Variants in ABCC9 observed in about 807,000 individuals in gnomAD.
ABCC9 encodes the protein ATP binding cassette subfamily C member 9.
A neutral mutation model predicts 188.3 loss-of-function variants in ABCC9; 95 were observed. The ratio of observed to expected loss-of-function variants is 0.50; its 90% CI spans 0.43 to 0.60. The LOEUF (loss-of-function observed/expected upper bound fraction) is 0.60. ABCC9 is among the 20% of genes least tolerant of loss of function. The probability of loss-of-function intolerance (pLI) is 0.00; values close to 1 mark genes in which losing one functional copy is unlikely to be tolerated. For synonymous variants in ABCC9, 659 were observed against 652.7 expected (o/e 1.01, Z -0.15); for missense variants, 1,102 against 1,876.3 (o/e 0.59, Z 7.62).
chr12:21,798,152 G>A lies in ABCC9; in HGVS notation c.*2892C>T, dbSNP rs1040752183. On this transcript the variant is annotated 3_prime_UTR_variant, in exon 40 of 40. Transcript: ENST00000261200. ...CCAGCAACCACTTGGCTGTAAGAAT[G>A]GTGAATGTGATCTTTAGTTTAGTGT... The A allele has an allele frequency of 4.6e-5, 7 of 152,154 alleles. No individual in the cohort carries two copies. Among genetic ancestry groups the A allele is most frequent in the African/African-American group, 1.4e-4 (6 of 41,448 alleles). The allele number at this position is 152,154 out of a possible 1,614,324, so 9.4% of individuals were successfully genotyped here.
rs565697711 is a variant in ABCC9 at position 21,921,449 on chromosome 12, C to T, written c.407-4346G>A. On this transcript the variant is annotated intron_variant, in intron 5 of 39. Coordinates refer to ENST00000261200, the MANE Select transcript of ABCC9 (RefSeq NM_020297.4). ...TTTTTTTCCTATAGAGTTGTTTGAG[C>T]TCCTTATATATTCTGCTCATTAATC... Among the ~76,000 whole-genome samples, 23 of 151,982 alleles carry T rather than the reference C, an allele frequency of 1.5e-4. 1 individual carries two copies. In the East Asian group the frequency reaches 2.7e-3, roughly 18 times the overall value.
chr12:21,815,105 C>T (rs959399037), intron 34 of ABCC9, among the ~76,000 whole-genome samples: 27 of 152,052 alleles, frequency 1.8e-4, no homozygotes, highest in Admixed American at 1.4e-3. Flanking sequence ...ATGGCTGGAG[C>T]CCAGGAGGTC....
intron 12 of ABCC9, among the ~76,000 whole-genome samples, chr12:21,897,155 C>T (rs1307110057): frequency 4.6e-5 from 7 of 152,176 alleles, no homozygotes; most frequent in African/African-American, 1.7e-4. Context: ...TTTTGATTTG[C>T]ATTTCTCTAA....
At chr12:21,877,916 A>C (rs1946444189) in intron 16 of ABCC9, among the ~76,000 whole-genome samples, 1 of 152,130 alleles carries the variant, frequency 6.6e-6, no homozygotes, top group South Asian at 2.1e-4. Flanking sequence ...CTGGTTATAG[A>C]TGTGTAGAAG....
chr12:21,905,550 G>A (rs772926413), intron 12 of ABCC9, among the ~76,000 whole-genome samples: 1 of 151,842 alleles, frequency 6.6e-6, no homozygotes, highest in East Asian at 1.9e-4. Context: ...TTCCAAAGTC[G>A]ATATCCTAGA....
intron 8 of ABCC9, among the ~76,000 whole-genome samples, 161 bp downstream of exon 8, chr12:21,912,711 T>G (rs1004206407): frequency 6.6e-6 from 1 of 151,986 alleles, no homozygotes; most frequent in Non-Finnish European, 1.5e-5. Flanking sequence ...CACGTGATTT[T>G]TTTCTAAAAG....
chr12:21,805,121 T>A, intron 39 of ABCC9: 1 of 1,612,300 alleles, frequency 6.2e-7, no homozygotes, highest in African/African-American at 1.3e-5. Context: ...GAGAGGATAC[T>A]GCTAAGATAA....
intron 39 of ABCC9, among the ~76,000 whole-genome samples, chr12:21,802,425 G>A (rs182145077): frequency 5.9e-5 from 9 of 152,164 alleles, no homozygotes; most frequent in Admixed American, 4.6e-4. Context: ...AAATTTTCTA[G>A]GAGCTACATT....
intron 18 of ABCC9, among the ~76,000 whole-genome samples, chr12:21,868,534 G>C (rs867584359): frequency 1.3e-5 from 2 of 152,098 alleles, no homozygotes; most frequent in Non-Finnish European, 2.9e-5. Flanking sequence ...AGCTACTCAG[G>C]AGGCTGAGGC....
chr12:21,801,299 G>C (rs906864509), intron 39 of ABCC9, 118 bp from the exon 40 acceptor site: 3 of 1,336,794 alleles, frequency 2.2e-6, no homozygotes, highest in African/African-American at 2.9e-5. Flanking sequence ...TGAGTGACAA[G>C]ATGTAGGGAT....
intron 18 of ABCC9, among the ~76,000 whole-genome samples, chr12:21,871,051 T>C (rs1407871039): frequency 6.6e-6 from 1 of 152,194 alleles, no homozygotes; most frequent in Non-Finnish European, 1.5e-5. Flanking sequence ...GAAAATAAAA[T>C]CTCAAGCCTT....
intron 31 of ABCC9, chr12:21,828,308 T>C (rs1010685431): frequency 6.4e-6 from 1 of 155,882 alleles, no homozygotes; most frequent in East Asian, 1.9e-4. Context: ...TATTCATTCA[T>C]GCATGCATTC....
At chr12:21,880,003 G>A (rs1412813561) in intron 16 of ABCC9, among the ~76,000 whole-genome samples, 1 of 151,370 alleles carries the variant, frequency 6.6e-6, no homozygotes, top group African/African-American at 2.4e-5. Flanking sequence ...ATAGATCCTT[G>A]ATGTGTAACT....
At chr12:21,847,557 A>G (rs1383800458) in intron 25 of ABCC9, among the ~76,000 whole-genome samples, 2 of 152,182 alleles carry the variant, frequency 1.3e-5, no homozygotes, top group Admixed American at 1.3e-4. Flanking sequence ...AAGGTGGTTT[A>G]TCTCACAACA....
At chr12:21,862,868 G>T in intron 20 of ABCC9, 85 bp downstream of exon 20, 1 of 891,304 alleles carries the variant, frequency 1.1e-6, no homozygotes, top group Non-Finnish European at 1.9e-6. Context: ...AGATGTAAAG[G>T]TTCCAGAAAC....
intron 16 of ABCC9, among the ~76,000 whole-genome samples, chr12:21,878,687 A>G (rs146769145): frequency 3.9e-4 from 60 of 152,344 alleles, no homozygotes; most frequent in Middle Eastern, 3.4e-3. Flanking sequence ...CCATAGCTTT[A>G]TGAGTGTGAC....
chr12:21,805,190 A>G (rs748782303), intron 39 of ABCC9: 1 of 1,614,018 alleles, frequency 6.2e-7, no homozygotes, highest in African/African-American at 1.3e-5. Context: ...GTTGGTCATC[A>G]CCAAAGTGGA....
At chr12:21,927,341 A>G (rs1228545182) in intron 4 of ABCC9, among the ~76,000 whole-genome samples, 3 of 152,168 alleles carry the variant, frequency 2.0e-5, no homozygotes, top group African/African-American at 7.2e-5. Context: ...GTGGATAAGG[A>G]AGTTGGTTGG....
At chr12:21,934,489 C>G (rs760799601) in intron 3 of ABCC9, among the ~76,000 whole-genome samples, 3 of 152,064 alleles carry the variant, frequency 2.0e-5, no homozygotes, top group Non-Finnish European at 4.4e-5. Context: ...TGATGATGAG[C>G]TTTTAAGCAA....
Sources: gnomAD v4.1 joint callset for allele counts (sites outside exome capture counted in the v4.1 genomes callset) on GRCh38, gnomAD v4.1.1 for gene constraint, MANE v1.5 for transcripts, NCBI Gene and HGNC (gene_info 2026-07-23, HGNC 2026-07-21) for gene names.